The following TRANK1 variants were observed in gnomAD, a reference collection of about 807,000 sequenced individuals.
The protein encoded by TRANK1 is tetratricopeptide repeat and ankyrin repeat containing 1.
In TRANK1, 198 loss-of-function variants were observed where a neutral mutation model predicts 266.0. The ratio of observed to expected loss-of-function variants is 0.74; its 90% confidence interval spans 0.66 to 0.84. The LOEUF is 0.84. Ranked by LOEUF, TRANK1 falls within the 40% of genes least tolerant of loss-of-function variation. The probability of loss-of-function intolerance (pLI) is 0.00; values close to 1 mark genes in which losing one functional copy is unlikely to be tolerated. For missense variants in TRANK1, 3,326 were observed against 3,634.6 expected (o/e 0.92, Z 2.18); for synonymous variants, 1,396 against 1,384.1 (o/e 1.01, Z -0.19).
intron 15 of TRANK1, chr3:36,850,657 T>C (rs1038984503): frequency 4.8e-6 from 4 of 841,840 alleles, no homozygotes; most frequent in Non-Finnish European, 5.7e-6. Context: ...AAAATACATA[T>C]AACCTCAGAG....
At chr3:36,906,473 C>G (rs974917934) in intron 2 of TRANK1, among the ~76,000 whole-genome samples, 1 of 152,140 alleles carries the variant, frequency 6.6e-6, no homozygotes, top group East Asian at 1.9e-4. Flanking sequence ...AAATACTGTT[C>G]TTTTTATGGA....
chr3:36,910,720 A>G (rs752972040), intron 1 of TRANK1, among the ~76,000 whole-genome samples: 3 of 151,934 alleles, frequency 2.0e-5, no homozygotes, highest in African/African-American at 4.8e-5. Context: ...AGCCTGGGTG[A>G]CAGAGTGAGA....
chr3:36,919,287 G>A (rs1042000864), intron 1 of TRANK1, among the ~76,000 whole-genome samples: 1 of 152,166 alleles, frequency 6.6e-6, no homozygotes, highest in Non-Finnish European at 1.5e-5. Context: ...TCTCCAGAAG[G>A]TTCCCTCTTG....
chr3:36,916,794 G>T (rs1236713754), intron 1 of TRANK1, among the ~76,000 whole-genome samples: 1 of 150,210 alleles, frequency 6.7e-6, no homozygotes, highest in Non-Finnish European at 1.5e-5. Flanking sequence ...AAATGTATGG[G>T]TTTTTTTTGT....
rs866567517 is a variant in TRANK1, at chr3:36,835,340, A to C, written c.5518-433T>G. 7.6e-3 allele frequency among the ~76,000 whole-genome samples: 1,142 copies of C among 150,352 alleles called. 16 individuals carry two copies. Among genetic ancestry groups the C allele is most frequent in the African/African-American group, 0.026 (1,074 of 40,678 alleles). ...TCTCAAAAAAAAAAAAAAAAAAAAA[A>C]AAAAACCCTGTAACATAGATAATGT... On this transcript the variant is annotated intron_variant, in intron 20 of 23. Transcript: ENST00000645898.
intron 2 of TRANK1, among the ~76,000 whole-genome samples, chr3:36,906,397 GCCACTGCAGGTGAT>G (rs1165839300): frequency 3.9e-5 from 6 of 152,296 alleles, no homozygotes; most frequent in African/African-American, 1.4e-4. Flanking sequence ...GACCCTCAAG[GCCACTGCAGGTGAT>G]CCACAAGGTG....
chr3:36,913,385 G>A (rs1320128033), intron 1 of TRANK1, among the ~76,000 whole-genome samples: 2 of 149,490 alleles, frequency 1.3e-5, no homozygotes, highest in African/African-American at 4.9e-5. Flanking sequence ...TTTCTTTCTT[G>A]CCTGTTTGCT....
At chr3:36,878,991 CAATTTA>C (rs1171785888) in intron 8 of TRANK1, among the ~76,000 whole-genome samples, 1 of 151,736 alleles carries the variant, frequency 6.6e-6, no homozygotes, top group Non-Finnish European at 1.5e-5. Flanking sequence ...TTTAAAATAT[CAATTTA>C]AATTGTCTGA....
At position 36,892,870 on chromosome 3, in the gene TRANK1, T is replaced by TCA. The variant is rs2079726783; in HGVS notation, c.636+30_636+31insTG. 6.2e-6 allele frequency: 4 copies of TCA among 647,904 alleles called. No individual in the cohort carries two copies. The Admixed American group carries it at 1.9e-4, about 31-fold the overall frequency. 40.1% of individuals were successfully genotyped at this position (647,904 alleles called of 1,614,324 possible). On this transcript the variant is annotated intron_variant, in intron 6 of 23. Coordinates refer to ENST00000645898, the MANE Select transcript of TRANK1 (RefSeq NM_001329998.2). ...AACAAAACATATATATATATATATATAGATATATATAGATATATATATCAC... is the reference window on the plus strand; with the variant it reads ...AACAAAACATATATATATATATATATCAAGATATATATAGATATATATATCAC...
intron 9 of TRANK1, among the ~76,000 whole-genome samples, chr3:36,867,875 C>T (rs1416287264): frequency 6.6e-5 from 10 of 152,178 alleles, no homozygotes; most frequent in African/African-American, 2.2e-4. Flanking sequence ...TGGTCCCCAC[C>T]GGGGACACTG....
intron 1 of TRANK1, among the ~76,000 whole-genome samples, chr3:36,938,190 T>C (rs2080448480): frequency 1.3e-5 from 2 of 152,024 alleles, no homozygotes; most frequent in Admixed American, 6.6e-5. Flanking sequence ...AGTTCTAGCC[T>C]CTGGGTTTTT....
At chr3:36,940,617 C>T (rs1185868506) in intron 1 of TRANK1, among the ~76,000 whole-genome samples, 2 of 152,158 alleles carry the variant, frequency 1.3e-5, no homozygotes, top group African/African-American at 2.4e-5. Context: ...CAAAACTGAC[C>T]TCCCATACTT....
At chr3:36,892,852 C>CATATATATAT (rs60833390) in intron 6 of TRANK1, 49 bp downstream of exon 6, 441 of 581,820 alleles carry the variant, frequency 7.6e-4, no homozygotes, top group African/African-American at 8.3e-4. Context: ...CAAAACAAAA[C>CATATATATAT]ATATATATAT....
At chr3:36,858,922 T>G in intron 11 of TRANK1, 28 bp from the exon 12 acceptor site, 1 of 1,520,036 alleles carries the variant, frequency 6.6e-7, no homozygotes. Context: ...GGAAGCGCAA[T>G]GTGAGCAGGC....
In TRANK1 at chr3:36,865,396, C is replaced by T. The variant is rs1420986229; in HGVS notation, c.1079-916G>A. Among the ~76,000 whole-genome samples, 9 of 152,196 alleles carry T rather than the reference C, an allele frequency of 5.9e-5. No individual in the cohort carries two copies. In the East Asian group the frequency reaches 1.5e-3, roughly 26 times the overall value. On this transcript the variant is annotated intron_variant, in intron 9 of 23. Coordinates refer to ENST00000645898, the MANE Select transcript of TRANK1 (RefSeq NM_001329998.2). ...GTAATAAATAACTGATATAACAATT[C>T]AGGGAGTGACAGCAGAAAGATGGCT...
At chr3:36,873,531 A>G (rs1175092582) in intron 9 of TRANK1, among the ~76,000 whole-genome samples, 2 of 152,236 alleles carry the variant, frequency 1.3e-5, no homozygotes, top group African/African-American at 4.8e-5. Flanking sequence ...ACATAATTAT[A>G]CTACCATGCA....
chr3:36,920,824 T>C (rs972216121), intron 1 of TRANK1, among the ~76,000 whole-genome samples: 4 of 152,334 alleles, frequency 2.6e-5, no homozygotes, highest in East Asian at 1.9e-4. Context: ...CTTCTACTTA[T>C]ATGGTGCATC....
chr3:36,850,961 T>G, intron 15 of TRANK1: 1 of 985,452 alleles, frequency 1.0e-6, no homozygotes, highest in Non-Finnish European at 1.2e-6. Context: ...GACCCCACAG[T>G]ACAGTCAGCA....
Position 36,831,016 on chromosome 3 carries a change from A to G in TRANK1, c.8567T>C (p.Val2856Ala). Residue 2856 changes from valine to alanine, a missense_variant, in exon 22 of 24, where the codon GTG becomes GCG. By Grantham distance (64) the Val-to-Ala change is moderately conservative. Coordinates refer to ENST00000645898, the MANE Select transcript of TRANK1 (RefSeq NM_001329998.2). The surrounding 1 kb of genome is among the most constrained non-coding windows in gnomAD (Gnocchi z 5.0). Reference sequence around the variant, plus strand: ...CCATACACTTTGCTCGATGTCCTGCACCACCAGCTTGCCTTCATCAATGGC... The same window carrying G: ...CCATACACTTTGCTCGATGTCCTGCGCCACCAGCTTGCCTTCATCAATGGC... ...DPAIDEGKLV[V>A]QDIEQSVWIH... The G allele has an allele frequency of 1.2e-6, 2 of 1,614,000 alleles. No individual in the cohort carries two copies. Among genetic ancestry groups the G allele is most frequent in the Non-Finnish European group, 8.5e-7 (1 of 1,179,890 alleles).
Sources: gnomAD v4.1 joint callset for allele counts (sites outside exome capture counted in the v4.1 genomes callset) on GRCh38, gnomAD v4.1.1 for gene constraint, Gnocchi (gnomAD v3.1) non-coding constraint, MANE v1.5 for transcripts, NCBI Gene and HGNC (gene_info 2026-07-23, HGNC 2026-07-21) for gene names.